The following LTO1 variants were observed in gnomAD, a reference collection of about 807,000 sequenced individuals.
LTO1 encodes protein LTO1 homolog.
LTO1 carries 18 observed loss-of-function variants against 19.8 expected under a neutral mutation model. The observed-to-expected ratio is 0.91, with a 90% CI of 0.63 to 1.35. LTO1 has a LOEUF of 1.35. Ranked by LOEUF, LTO1 falls within the 40% of genes most tolerant of loss-of-function variation. The pLI is 0.00. For synonymous variants in LTO1, 59 were observed against 59.6 expected, an observed-to-expected ratio of 0.99 and a Z score of 0.05; for missense variants, 175 against 167.9, an observed-to-expected ratio of 1.04 and a Z score of -0.23.
intron 1 of LTO1, 32 bp downstream of exon 1, chr11:69,675,158 G>C: frequency 1.9e-6 from 3 of 1,588,906 alleles, no homozygotes; most frequent in Admixed American, 1.8e-5. Flanking sequence ...CGACCAGACA[G>C]GGCGGGGTGC....
chr11:69,673,243 C>T lies in LTO1; in HGVS notation c.129G>A (p.Thr43=), dbSNP rs1370220192. 19 of 1,611,850 alleles carry T rather than the reference C, an allele frequency of 1.2e-5. No homozygotes were observed. Among genetic ancestry groups the T allele is most frequent in the Non-Finnish European group, 1.4e-5 (17 of 1,177,986 alleles). The change falls in exon 2 of 5, where the codon ACG becomes ACA. Residue 43 remains threonine, a synonymous_variant. Coordinates refer to ENST00000279147, the MANE Select transcript of LTO1 (RefSeq NM_153451.3). Reference sequence around the variant, plus strand: ...CAGACCCGATTTTGGCTCCATGCAGCGTGCCATGCTGCCTTCCCTCCATCA... The same window carrying T: ...CAGACCCGATTTTGGCTCCATGCAGTGTGCCATGCTGCCTTCCCTCCATCA... The part of the protein sequence containing the change: ...LGVMEGRQHG[T]LHGAKIGSEI...
chr11:69,667,648 A>G (rs1590922465), intron 4 of LTO1, 61 bp from the exon 5 acceptor site: 1 of 1,192,188 alleles, frequency 8.4e-7, no homozygotes, highest in South Asian at 1.2e-5. Flanking sequence ...AAATGAGAAG[A>G]TAACTCTATC....
intron 1 of LTO1, 28 bp downstream of exon 1, chr11:69,675,162 G>A (rs201708334): frequency 1.8e-4 from 281 of 1,588,280 alleles, no homozygotes; most frequent in Non-Finnish European, 2.1e-4. Flanking sequence ...CAGACAGGGC[G>A]GGGTGCGGGC....
In LTO1 at chr11:69,675,261, G is replaced by A. The variant is rs1856174793; in HGVS notation, c.-22C>T. The A allele has an allele frequency of 1.3e-6, 2 of 1,483,912 alleles. No individual in the cohort carries two copies. Among genetic ancestry groups the A allele is most frequent in the African/African-American group, 1.4e-5 (1 of 69,300 alleles). The allele number at this position is 1,483,912 out of a possible 1,614,324, so 91.9% of individuals were successfully genotyped here. A position where few individuals can be genotyped will look rare whatever the true frequency, so the allele number is the denominator to read the frequency against. On this transcript the variant is annotated 5_prime_UTR_variant, in exon 1 of 5. Transcript: ENST00000279147. ...CCATAGCGGCAAGCAGCCCGCCCTT[G>A]GCCCCCGGGTTTCTGCAGCCCCGCG... is the stretch of plus-strand genomic sequence containing the variant.
intron 3 of LTO1, 147 bp from the exon 4 acceptor site, chr11:69,668,159 C>G: frequency 1.6e-6 from 1 of 643,976 alleles, no homozygotes; most frequent in Non-Finnish European, 2.8e-6. Context: ...TCTCATTACA[C>G]GAAATCATAT....
chr11:69,668,047 T>C (rs752659492), intron 3 of LTO1, 35 bp from the exon 4 acceptor site: 1 of 1,043,300 alleles, frequency 9.6e-7, no homozygotes, highest in Admixed American at 1.7e-5. Context: ...CTCAGTCATG[T>C]GCACACAACA....
At chr11:69,670,820 C>T (rs1727948901) in intron 3 of LTO1, among the ~76,000 whole-genome samples, 1 of 152,194 alleles carries the variant, frequency 6.6e-6, no homozygotes, top group Non-Finnish European at 1.5e-5. Flanking sequence ...CTCAAGGGTT[C>T]ATTTCCAGCT....
chr11:69,672,799 G>T, intron 2 of LTO1: 1 of 314,510 alleles, frequency 3.2e-6, no homozygotes, highest in Non-Finnish European at 6.3e-6. Flanking sequence ...AAGGCACTGT[G>T]ATTTTTTTTG....
At position 69,675,222 on chromosome 11, in the gene LTO1, G is replaced by C; in HGVS notation, c.18C>G (p.Asp6Glu). 1.3e-6 allele frequency: 2 copies of C among 1,524,764 alleles called. No individual in the cohort carries two copies. Among genetic ancestry groups the C allele is most frequent in the Non-Finnish European group, 8.8e-7 (1 of 1,138,386 alleles). The allele number at this position is 1,524,764 out of a possible 1,614,324, so 94.5% of individuals were successfully genotyped here. ...CCGCCATCACGATGGCATCGAATAT[G>C]TCCTGACTGCCAGCCATAGCGGCAA... The part of the protein sequence containing the change: MAGSQ[D>E]IFDAIVMADE... The change falls in exon 1 of 5, where the codon GAC becomes GAG. Residue 6 changes from aspartate (D) to glutamate (E), a missense_variant. Coordinates refer to ENST00000279147, the MANE Select transcript of LTO1 (RefSeq NM_153451.3).
In LTO1 at chr11:69,667,051, G is replaced by A. The variant is rs111594250; in HGVS notation, c.*468C>T. 0.028 allele frequency: 4,454 copies of A among 159,134 alleles called. 211 individuals carry two copies. Among genetic ancestry groups the A allele is most frequent in the African/African-American group, 0.099 (4,142 of 41,638 alleles). 9.9% of individuals were successfully genotyped at this position (159,134 alleles called of 1,614,324 possible). On this transcript the variant is annotated 3_prime_UTR_variant, in exon 5 of 5. Transcript: ENST00000279147. ...GGATTAAATAACACACGGGAGGCAC[G>A]TCCCGCACCGCCTGGCACACAATCG...
chr11:69,671,462 T>G (rs772897968), intron 3 of LTO1: 2 of 307,106 alleles, frequency 6.5e-6, no homozygotes, highest in African/African-American at 2.1e-5. Flanking sequence ...ATTGGTAGGG[T>G]ATCTAAAAGC....
At chr11:69,667,690 A>G in intron 4 of LTO1, 103 bp from the exon 5 acceptor site, 3 of 881,416 alleles carry the variant, frequency 3.4e-6, no homozygotes, top group Non-Finnish European at 5.6e-6. Flanking sequence ...CTATGTGGCC[A>G]GCCCATAAAT....
chr11:69,673,126 G>A (rs1856135210), intron 2 of LTO1, 90 bp downstream of exon 2: 1 of 852,702 alleles, frequency 1.2e-6, no homozygotes, highest in African/African-American at 1.7e-5. Context: ...TAAAAGGCCT[G>A]ACAATTCTTA....
intron 2 of LTO1, chr11:69,672,525 G>GA (rs11301941): frequency 9.1e-4 from 136 of 148,750 alleles, no homozygotes; most frequent in Admixed American, 2.1e-3. Context: ...GGCAAGAAGA[G>GA]AAAAAAAAAA....
intron 1 of LTO1, 29 bp downstream of exon 1, chr11:69,675,161 C>A (rs1362878015): frequency 6.3e-7 from 1 of 1,585,694 alleles, no homozygotes; most frequent in Non-Finnish European, 8.6e-7. Flanking sequence ...CCAGACAGGG[C>A]GGGGTGCGGG....
intron 3 of LTO1, among the ~76,000 whole-genome samples, chr11:69,669,982 A>G (rs1856085382): frequency 6.6e-6 from 1 of 151,980 alleles, no homozygotes; most frequent in Non-Finnish European, 1.5e-5. Context: ...AAAACATGCA[A>G]TATCAGCCCT....
chr11:69,666,730 G>A lies in LTO1; in HGVS notation c.*789C>T, dbSNP rs1371599114. The A allele has an allele frequency of 6.6e-6, 1 of 152,282 alleles. No individual in the cohort carries two copies. Among genetic ancestry groups the A allele is most frequent in the African/African-American group, 2.4e-5 (1 of 41,454 alleles). 9.4% of individuals were successfully genotyped at this position (152,282 alleles called of 1,614,324 possible). A position where few individuals can be genotyped will look rare whatever the true frequency, so the allele number is the denominator to read the frequency against. On this transcript the variant is annotated 3_prime_UTR_variant, in exon 5 of 5. Coordinates refer to ENST00000279147, the MANE Select transcript of LTO1 (RefSeq NM_153451.3). ...TAGGGACAGTGCAAAGGATATGTCT[G>A]GGTCCCCTCAGGATCAGGTTGGCCT...
Position 69,666,834 on chromosome 11 carries a change from T to C in LTO1, c.*685A>G, listed in dbSNP as rs952422412. The C allele has an allele frequency of 6.6e-6, 1 of 152,160 alleles. No homozygotes were observed. The highest frequency in any genetic ancestry group is 2.4e-5 in the African/African-American group (1 of 41,406). 9.4% of individuals were successfully genotyped at this position (152,160 alleles called of 1,614,324 possible). A position where few individuals can be genotyped will look rare whatever the true frequency, so the allele number is the denominator to read the frequency against. On this transcript the variant is annotated 3_prime_UTR_variant, in exon 5 of 5. Coordinates refer to ENST00000279147, the MANE Select transcript of LTO1 (RefSeq NM_153451.3). ...GCTCCGTGAGGCTTGGCAGGACCTGTGCGGCCTGGGAGGGAGGGCAGGGAC... is the reference window on the plus strand; with the variant it reads ...GCTCCGTGAGGCTTGGCAGGACCTGCGCGGCCTGGGAGGGAGGGCAGGGAC...
At chr11:69,673,025 C>T (rs1856129850) in intron 2 of LTO1, 191 bp downstream of exon 2, 1 of 646,610 alleles carries the variant, frequency 1.5e-6, no homozygotes, top group African/African-American at 1.8e-5. Flanking sequence ...TGGTCTCCAA[C>T]TCCTGACCTC....
Sources: gnomAD v4.1 joint callset for allele counts (sites outside exome capture counted in the v4.1 genomes callset) on GRCh38, gnomAD v4.1.1 for gene constraint, MANE v1.5 for transcripts, NCBI Gene and HGNC (gene_info 2026-07-23, HGNC 2026-07-21) for gene names.